The following CFAP58 variants were observed in gnomAD, a reference collection of about 807,000 sequenced individuals.
The protein encoded by CFAP58 is cilia and flagella associated protein 58, also known as cilia- and flagella-associated protein 58.
CFAP58 carries 88 observed loss-of-function variants against 119.5 expected under a neutral mutation model. The ratio of observed to expected loss-of-function variants is 0.74; its 90% CI spans 0.62 to 0.88. The LOEUF (loss-of-function observed/expected upper bound fraction) is 0.88. Ranked by LOEUF, CFAP58 falls within the 40% of genes least tolerant of loss-of-function variation. The pLI, the probability that CFAP58 is intolerant of heterozygous loss-of-function variation, is 0.00. For synonymous variants in CFAP58, 365 were observed against 366.3 expected (o/e 1.00, Z 0.04); for missense variants, 990 against 1,021.2 (o/e 0.97, Z 0.42).
rs377263276 is a variant in CFAP58 at position 104,362,238 on chromosome 10, TG to T, written c.440+71del. 10 of 1,397,088 alleles carry T rather than the reference TG, an allele frequency of 7.2e-6. No homozygotes were observed. The African/African-American group carries it at 1.3e-4, about 18-fold the overall frequency. 86.5% of individuals were successfully genotyped at this position (1,397,088 alleles called of 1,614,324 possible). Reference sequence around the variant, plus strand: ...CAGAGGTCTCCTTCAGTAGACAGCCTGGGGCTTGCCAGTGTCTTCTTGAACA... The same window carrying T: ...CAGAGGTCTCCTTCAGTAGACAGCCTGGGCTTGCCAGTGTCTTCTTGAACA... On this transcript the variant is annotated intron_variant, in intron 3 of 17. Coordinates refer to ENST00000369704, the MANE Select transcript of CFAP58 (RefSeq NM_001008723.2).
intron 11 of CFAP58, 26 bp from the exon 12 acceptor site, chr10:104,399,334 T>G (rs753292446): frequency 6.2e-7 from 1 of 1,611,622 alleles, no homozygotes; most frequent in East Asian, 2.2e-5. Flanking sequence ...AATTGAAATT[T>G]GCCTGTATCT....
chr10:104,356,675 A>AT (rs111813538), intron 1 of CFAP58, among the ~76,000 whole-genome samples: 32,953 of 148,550 alleles, frequency 0.22, 3,995 homozygotes, highest in Middle Eastern at 0.3. Flanking sequence ...TTTTTCTGAG[A>AT]TTTTTTTTTT....
intron 15 of CFAP58, among the ~76,000 whole-genome samples, chr10:104,420,681 G>T (rs1286392958): frequency 6.6e-6 from 1 of 151,398 alleles, no homozygotes; most frequent in Non-Finnish European, 1.5e-5. Context: ...TTCAAAAGGG[G>T]TATCTTGATT....
chr10:104,421,126 AG>A (rs1237765616), intron 15 of CFAP58, among the ~76,000 whole-genome samples: 1 of 152,178 alleles, frequency 6.6e-6, no homozygotes, highest in Non-Finnish European at 1.5e-5. Flanking sequence ...TCCACGAAAT[AG>A]CAGATCTGAC....
intron 15 of CFAP58, among the ~76,000 whole-genome samples, chr10:104,432,448 C>A (rs1044846080): frequency 4.0e-5 from 6 of 150,846 alleles, no homozygotes; most frequent in African/African-American, 1.2e-4. Context: ...GCCTATCAGA[C>A]CAGCAAAGAC....
chr10:104,403,723 A>G lies in CFAP58; in HGVS notation c.2040-6A>G. ...TTCTTTGCAAAATCAAGTTTGTCTT[A>G]TTCAGACAGGAGTTTTTTCACATGC... On this transcript the variant is annotated splice_region_variant and splice_polypyrimidine_tract_variant and intron_variant, in intron 13 of 17. Transcript: ENST00000369704. The G allele has an allele frequency of 1.3e-6, 2 of 1,597,960 alleles. No homozygotes were observed. The highest frequency in any genetic ancestry group is 1.7e-6 in the Non-Finnish European group (2 of 1,169,606).
chr10:104,397,095 T>A (rs564520711), intron 11 of CFAP58, among the ~76,000 whole-genome samples: 112 of 152,240 alleles, frequency 7.4e-4, no homozygotes, highest in Non-Finnish European at 1.4e-3. Context: ...GTTCTGCTGA[T>A]GGATTCTGAT....
rs775532374 is a variant in CFAP58, at chr10:104,380,162, T to G, written c.1307T>G (p.Phe436Cys). 13 of 1,614,078 alleles carry G rather than the reference T, an allele frequency of 8.1e-6. No individual in the cohort carries two copies. The highest frequency in any genetic ancestry group is 1.1e-5 in the Non-Finnish European group (13 of 1,179,972). ...DEAQKQRKIIFHLEKERDRYI... is the reference protein window; with the variant it reads ...DEAQKQRKIICHLEKERDRYI... ...GCTCAGAAGCAGAGAAAGATCATCT[T>G]TCATCTGGAAAAGGAGCGTGACCGG... is the stretch of plus-strand genomic sequence containing the variant. Residue 436 changes from phenylalanine to cysteine, a missense_variant, in exon 9 of 18, where the codon TTT becomes TGT. Transcript: ENST00000369704.
At chr10:104,339,503 G>A in the CFAP58 span, among the ~76,000 whole-genome samples, 5 of 152,214 alleles carry the variant, frequency 3.3e-5, no homozygotes, top group Admixed American at 6.5e-5. Flanking sequence ...GGCTTTGGGG[G>A]CACCAAATGC....
Position 104,406,754 on chromosome 10 carries a change from C to T in CFAP58, c.2217C>T (p.Ser739=). Residue 739 remains serine, a synonymous_variant, in exon 15 of 18, where the codon AGC becomes AGT. Transcript: ENST00000369704. The part of the protein sequence containing the change: ...KIHTLQKRLI[S]KTEEVVEKEL... ...ACACCCTGCAGAAGCGTCTCATCAG[C>T]AAGACTGAAGAGGTGGTTGAAAAAG... is the stretch of plus-strand genomic sequence containing the variant. The T allele has an allele frequency of 6.2e-7, 1 of 1,614,174 alleles. No homozygotes were observed. The highest frequency in any genetic ancestry group is 8.5e-7 in the Non-Finnish European group (1 of 1,180,038).
chr10:104,443,985 G>A (rs749986127), intron 15 of CFAP58, among the ~76,000 whole-genome samples: 6 of 152,180 alleles, frequency 3.9e-5, no homozygotes, highest in Non-Finnish European at 7.3e-5. Flanking sequence ...CCTGTCCAAC[G>A]GAGAGAACAG....
chr10:104,375,157 C>T (rs1215854925), intron 7 of CFAP58, among the ~76,000 whole-genome samples: 1 of 150,852 alleles, frequency 6.6e-6, no homozygotes, highest in African/African-American at 2.4e-5. Context: ...ATTCTGTATT[C>T]TCTATACAGA....
At chr10:104,374,902 A>G (rs981507196) in intron 7 of CFAP58, among the ~76,000 whole-genome samples, 19 of 151,728 alleles carry the variant, frequency 1.3e-4, no homozygotes, top group African/African-American at 3.6e-4. Context: ...GGGATTGGCT[A>G]AATAAATTAT....
At chr10:104,357,339 G>A (rs1356498857) in intron 1 of CFAP58, among the ~76,000 whole-genome samples, 1 of 152,110 alleles carries the variant, frequency 6.6e-6, no homozygotes, top group African/African-American at 2.4e-5. Context: ...GGACACTGTG[G>A]GGCATGACCT....
rs1193156304 is a variant in CFAP58, at chr10:104,368,536, C to G, written c.906C>G (p.Asn302Lys). Residue 302 changes from asparagine to lysine, a missense_variant, in exon 6 of 18, where the codon AAC (asparagine) becomes AAG (lysine). By Grantham distance (94) the Asn-to-Lys change is moderately conservative. Coordinates refer to ENST00000369704, the MANE Select transcript of CFAP58 (RefSeq NM_001008723.2). ...SLVCEQLSQE[N>K]QQKALELKAK... is the part of the protein sequence containing the mutation. ...TCTGTGAGCAGCTATCCCAGGAAAA[C>G]CAACAGAAGGCGTTGGAGCTCAAAG... 11 of 1,613,930 alleles carry G rather than the reference C, an allele frequency of 6.8e-6. No individual in the cohort carries two copies. The highest frequency in any genetic ancestry group is 9.3e-6 in the Non-Finnish European group (11 of 1,179,866).
At chr10:104,399,337 C>A in intron 11 of CFAP58, 23 bp from the exon 12 acceptor site, 1 of 1,611,656 alleles carries the variant, frequency 6.2e-7, no homozygotes, top group South Asian at 1.1e-5. Flanking sequence ...TGAAATTTGC[C>A]TGTATCTTCC....
At chr10:104,394,813 C>G (rs7900195) in intron 11 of CFAP58, among the ~76,000 whole-genome samples, 5,032 of 152,286 alleles carry the variant, frequency 0.033, 220 homozygotes, top group African/African-American at 0.098. Flanking sequence ...CTTGTACTCC[C>G]TGTTTGAAAC....
chr10:104,385,320 G>A (rs1208983438), intron 9 of CFAP58, among the ~76,000 whole-genome samples: 10 of 152,146 alleles, frequency 6.6e-5, no homozygotes, highest in Admixed American at 6.5e-4. Context: ...AAAGGACAAG[G>A]TGACCCCAGT....
At chr10:104,453,401 C>T (rs1424081094) in intron 17 of CFAP58, among the ~76,000 whole-genome samples, 2 of 152,212 alleles carry the variant, frequency 1.3e-5, no homozygotes, top group Non-Finnish European at 2.9e-5. Context: ...GATGTTCTCT[C>T]CACATATGCC....
Sources: gnomAD v4.1 joint callset for allele counts (sites outside exome capture counted in the v4.1 genomes callset) on GRCh38, gnomAD v4.1.1 for gene constraint, MANE v1.5 for transcripts, NCBI Gene and HGNC (gene_info 2026-07-23, HGNC 2026-07-21) for gene names.